The following PITPNB variants were observed in gnomAD, a reference collection of about 807,000 sequenced individuals.
PITPNB encodes the protein phosphatidylinositol transfer protein beta, also known as phosphatidylinositol transfer protein beta isoform.
Under a neutral mutation model 45.9 loss-of-function variants are expected in PITPNB, and 16 were observed. That is an observed-to-expected ratio of 0.35 (90% CI 0.24 to 0.53). The LOEUF is 0.53. PITPNB is among the 20% of genes least tolerant of loss of function. The probability of loss-of-function intolerance (pLI) is 0.93; values close to 1 mark genes in which losing one functional copy is unlikely to be tolerated. For synonymous variants in PITPNB, 112 were observed against 108.9 expected (o/e 1.03, Z -0.18); for missense variants, 188 against 330.5 (o/e 0.57, Z 3.34).
chr22:27,877,967 G>A (rs1472518576), intron 7 of PITPNB, among the ~76,000 whole-genome samples: 1 of 152,166 alleles, frequency 6.6e-6, no homozygotes, highest in African/African-American at 2.4e-5. Flanking sequence ...TCTATCCTGT[G>A]GAGAGGGGGT....
intron 3 of PITPNB, chr22:27,910,623 T>C (rs1228927676): frequency 5.6e-6 from 1 of 179,466 alleles, no homozygotes; most frequent in Non-Finnish European, 1.2e-5. Context: ...CTAAAATTGA[T>C]ACAAGTAATA....
Position 27,858,371 on chromosome 22 carries a change from G to T in PITPNB, c.768+16C>A. 6.3e-7 allele frequency: 1 copy of T among 1,588,646 alleles called. No individual in the cohort carries two copies. The highest frequency in any genetic ancestry group is 8.6e-7 in the Non-Finnish European group (1 of 1,168,274). ...AAGGGAAAATTAGAGAATTGCCATA[G>T]AACAGCCAGTCTTACTGTTTCTAGT... is the stretch of plus-strand genomic sequence containing the variant. On this transcript the variant is annotated intron_variant, in intron 10 of 11. Transcript: ENST00000335272.
chr22:27,896,169 CAA>C (rs1306635335), intron 6 of PITPNB, among the ~76,000 whole-genome samples: 2 of 152,176 alleles, frequency 1.3e-5, no homozygotes, highest in South Asian at 2.1e-4. Flanking sequence ...GCAAAGCAGA[CAA>C]GAGGTAAAAA....
intron 1 of PITPNB, among the ~76,000 whole-genome samples, chr22:27,915,247 C>T (rs914192182): frequency 1.6e-4 from 24 of 152,132 alleles, no homozygotes; most frequent in African/African-American, 5.8e-4. Flanking sequence ...TCATACTTTC[C>T]TAATCTTATC....
At chr22:27,854,229 AGATTTT>A (rs1934108853) in intron 11 of PITPNB, among the ~76,000 whole-genome samples, 1 of 151,280 alleles carries the variant, frequency 6.6e-6, no homozygotes, top group African/African-American at 2.4e-5. Flanking sequence ...TTTGTGAGGG[AGATTTT>A]GATTTTTTTT....
intron 7 of PITPNB, among the ~76,000 whole-genome samples, chr22:27,889,502 G>GT (rs763481059): frequency 4.9e-4 from 75 of 152,164 alleles, no homozygotes; most frequent in Non-Finnish European, 2.5e-4. Context: ...AGCAACGAGT[G>GT]TAAGAGGAAA....
intron 1 of PITPNB, 196 bp downstream of exon 1, chr22:27,918,976 A>G: frequency 1.3e-6 from 1 of 778,536 alleles, no homozygotes; most frequent in Admixed American, 2.0e-5. Flanking sequence ...AGGGCGTGTT[A>G]CCACGGCAAT....
rs368535141 is a variant in PITPNB at position 27,860,123 on chromosome 22, G to T, written c.645+8C>A. On this transcript the variant is annotated splice_region_variant and intron_variant, in intron 9 of 11. Transcript: ENST00000335272. Reference sequence around the variant, plus strand: ...AATCTAAGTCACCACATTTTGAGCAGATTTTACCTTTTGAATGAAGTTTTC... The same window carrying T: ...AATCTAAGTCACCACATTTTGAGCATATTTTACCTTTTGAATGAAGTTTTC... The T allele has an allele frequency of 7.1e-6, 11 of 1,541,212 alleles. No homozygotes were observed. Among genetic ancestry groups the T allele is most frequent in the Non-Finnish European group, 9.0e-6 (10 of 1,113,784 alleles).
chr22:27,898,892 TAACA>T (rs1359900991), intron 3 of PITPNB, among the ~76,000 whole-genome samples: 3 of 152,234 alleles, frequency 2.0e-5, no homozygotes, highest in East Asian at 1.9e-4. Context: ...TGTTATTTGT[TAACA>T]AACAAATGGG....
At chr22:27,872,554 G>A (rs1307483790) in intron 8 of PITPNB, among the ~76,000 whole-genome samples, 1 of 152,114 alleles carries the variant, frequency 6.6e-6, no homozygotes, top group South Asian at 2.1e-4. Context: ...ATAAACCAAA[G>A]TCAAATTCAT....
At chr22:27,910,191 C>T (rs1309427299) in intron 3 of PITPNB, among the ~76,000 whole-genome samples, 3 of 152,130 alleles carry the variant, frequency 2.0e-5, no homozygotes, top group Admixed American at 6.5e-5. Flanking sequence ...ACCTCGTAAT[C>T]TGCCCGCCTC....
intron 8 of PITPNB, among the ~76,000 whole-genome samples, chr22:27,866,424 T>C (rs1934487304): frequency 6.6e-6 from 1 of 152,176 alleles, no homozygotes; most frequent in Non-Finnish European, 1.5e-5. Context: ...GCACACAATG[T>C]AACTAAACAA....
At chr22:27,871,634 G>C (rs1263178502) in intron 8 of PITPNB, among the ~76,000 whole-genome samples, 2 of 152,160 alleles carry the variant, frequency 1.3e-5, no homozygotes, top group South Asian at 4.1e-4. Context: ...TCTGGAAAAG[G>C]CTGGGGACAC....
At chr22:27,861,024 GAAAAAAAAAAA>G (rs35013749) in intron 8 of PITPNB, among the ~76,000 whole-genome samples, 3 of 57,832 alleles carry the variant, frequency 5.2e-5, no homozygotes, top group Admixed American at 2.1e-4. Context: ...CCCATTTCTG[GAAAAAAAAAAA>G]AAAAAAAAAA....
intron 2 of PITPNB, 41 bp from the exon 3 acceptor site, chr22:27,911,150 T>C: frequency 2.0e-6 from 3 of 1,501,390 alleles, no homozygotes; most frequent in Non-Finnish European, 2.8e-6. Flanking sequence ...AAGTCAGTAG[T>C]AACTGCAGAA....
At chr22:27,858,706 T>C (rs1369895304) in intron 9 of PITPNB, among the ~76,000 whole-genome samples, 197 bp from the exon 10 acceptor site, 3 of 152,096 alleles carry the variant, frequency 2.0e-5, no homozygotes, top group Non-Finnish European at 4.4e-5. Flanking sequence ...AAAAAAACTT[T>C]CCCTGTGAAA....
chr22:27,857,703 A>G (rs980537098), intron 10 of PITPNB, among the ~76,000 whole-genome samples: 30 of 152,170 alleles, frequency 2.0e-4, no homozygotes, highest in African/African-American at 7.0e-4. Context: ...CCAGGGCAAA[A>G]ACAAAACCAG....
intron 3 of PITPNB, among the ~76,000 whole-genome samples, chr22:27,900,107 G>C (rs866507117): frequency 2.6e-4 from 39 of 152,124 alleles, no homozygotes; most frequent in African/African-American, 8.2e-4. Flanking sequence ...GGACACTGAG[G>C]CTGAATTGCT....
chr22:27,909,433 C>CA (rs935796818), intron 3 of PITPNB, among the ~76,000 whole-genome samples: 6 of 151,208 alleles, frequency 4.0e-5, no homozygotes, highest in Admixed American at 2.0e-4. Flanking sequence ...AGGGAATGTG[C>CA]AAAAAAACTT....
Sources: gnomAD v4.1 joint callset for allele counts (sites outside exome capture counted in the v4.1 genomes callset) on GRCh38, gnomAD v4.1.1 for gene constraint, MANE v1.5 for transcripts, NCBI Gene and HGNC (gene_info 2026-07-23, HGNC 2026-07-21) for gene names.